Variants in ABCB1 observed in about 807,000 individuals in gnomAD.
ABCB1 encodes the protein ATP binding cassette subfamily B member 1.
A neutral mutation model predicts 142.0 loss-of-function variants in ABCB1; 69 were observed. The ratio of observed to expected loss-of-function variants is 0.49; its 90% CI spans 0.40 to 0.59. ABCB1 has a LOEUF of 0.59. ABCB1 is among the 20% of genes least tolerant of loss of function. ABCB1 has a pLI of 0.00. For synonymous variants in ABCB1, 532 were observed against 539.2 expected (o/e 0.99, Z 0.18); for missense variants, 1,326 against 1,554.7 (o/e 0.85, Z 2.47).
intron 8 of ABCB1, among the ~76,000 whole-genome samples, chr7:87,560,466 C>T (rs369280766): frequency 1.9e-4 from 29 of 152,222 alleles, no homozygotes; most frequent in African/African-American, 6.3e-4. Flanking sequence ...GCTGTGTGTT[C>T]GGCTCTCCTT....
At chr7:87,543,565 C>T (rs4148735) in intron 17 of ABCB1, among the ~76,000 whole-genome samples, 64,471 of 151,922 alleles carry the variant, frequency 0.42, 13,779 homozygotes, top group African/African-American at 0.45. Context: ...GCATTCCTTT[C>T]AGATTGTAAC....
chr7:87,706,338 C>A (rs1006906602), intron 1 of ABCB1, among the ~76,000 whole-genome samples: 2 of 151,750 alleles, frequency 1.3e-5, no homozygotes, highest in Non-Finnish European at 2.9e-5. Flanking sequence ...TTTATAAGAT[C>A]AGCTTGGTGC....
At chr7:87,694,001 G>T in intron 1 of ABCB1, 1 of 1,606,458 alleles carries the variant, frequency 6.2e-7, no homozygotes, top group South Asian at 1.1e-5. Context: ...AGCTGCACGG[G>T]AGCATGGAAT....
At chr7:87,673,363 A>T (rs118134487) in intron 1 of ABCB1, among the ~76,000 whole-genome samples, 203 of 152,242 alleles carry the variant, frequency 1.3e-3, no homozygotes, top group Middle Eastern at 3.4e-3. Flanking sequence ...GCAATGAATC[A>T]CATATTTTGT....
At chr7:87,684,702 C>T (rs943691637) in intron 1 of ABCB1, among the ~76,000 whole-genome samples, 2 of 128,504 alleles carry the variant, frequency 1.6e-5, no homozygotes, top group Non-Finnish European at 3.1e-5. Flanking sequence ...GAGTCGAGAT[C>T]GTGCCACTGC....
chr7:87,613,011 GT>G (rs71117545), intron 1 of ABCB1, among the ~76,000 whole-genome samples: 51,286 of 134,632 alleles, frequency 0.38, 10,501 homozygotes, highest in East Asian at 0.67. Context: ...GTTTTGGTGG[GT>G]TTTTTTTTTT....
Position 87,544,131 on chromosome 7 carries a change from C to T in ABCB1, c.2209G>A (p.Gly737Arg). 1.2e-6 allele frequency: 2 copies of T among 1,613,898 alleles called. No homozygotes were observed. The highest frequency in any genetic ancestry group is 8.5e-7 in the Non-Finnish European group (1 of 1,179,892). Residue 737 changes from glycine to arginine, a missense_variant and splice_region_variant, in exon 17 of 28, where the codon GGG (glycine) becomes AGG (arginine). Gly to Arg is a moderately radical substitution (Grantham distance 125, BLOSUM62 -2). Coordinates refer to ENST00000622132, the MANE Select transcript of ABCB1 (RefSeq NM_001348946.2). ...AFAIIFSKIIGVFTRIDDPET... is the reference protein window; with the variant it reads ...AFAIIFSKIIRVFTRIDDPET... ...ACACAAATGGGCATCACACTTACCC[C>T]TATAATCTTTGAAAATATTATTGCA... is the stretch of plus-strand genomic sequence containing the variant.
chr7:87,634,453 C>T (rs1223501002), intron 1 of ABCB1, among the ~76,000 whole-genome samples: 1 of 132,854 alleles, frequency 7.5e-6, no homozygotes, highest in Non-Finnish European at 1.5e-5. Context: ...GAAACCCCGT[C>T]TCTACTAAAA....
At chr7:87,636,475 T>G (rs991084514) in intron 1 of ABCB1, among the ~76,000 whole-genome samples, 1 of 152,200 alleles carries the variant, frequency 6.6e-6, no homozygotes, top group Non-Finnish European at 1.5e-5. Flanking sequence ...GGGAATCTTT[T>G]GTTGGATACA....
intron 4 of ABCB1, among the ~76,000 whole-genome samples, chr7:87,574,114 A>G (rs1412099398): frequency 6.6e-6 from 1 of 152,202 alleles, no homozygotes; most frequent in Non-Finnish European, 1.5e-5. Context: ...CCACCTAAGC[A>G]GACCCTAGAG....
intron 5 of ABCB1, among the ~76,000 whole-genome samples, chr7:87,567,518 A>G (rs1448126012): frequency 6.6e-6 from 1 of 152,214 alleles, no homozygotes; most frequent in Non-Finnish European, 1.5e-5. Context: ...GGATCAAGAA[A>G]TGGAAATAAT....
At chr7:87,648,355 G>A (rs1823237407) in intron 1 of ABCB1, among the ~76,000 whole-genome samples, 1 of 152,000 alleles carries the variant, frequency 6.6e-6, no homozygotes, top group African/African-American at 2.4e-5. Flanking sequence ...GGAGGCAAAT[G>A]TTCATATAAA....
chr7:87,636,627 T>C (rs2130248192), intron 1 of ABCB1, among the ~76,000 whole-genome samples: 1 of 152,356 alleles, frequency 6.6e-6, no homozygotes, highest in African/African-American at 2.4e-5. Context: ...GAAGCCAGCC[T>C]ACTCCAAAGT....
intron 8 of ABCB1, 21 bp downstream of exon 8, chr7:87,561,242 A>C: frequency 6.2e-7 from 1 of 1,613,328 alleles, no homozygotes; most frequent in South Asian, 1.1e-5. Flanking sequence ...ATATCTATCC[A>C]TTTAAAAAAG....
At chr7:87,545,688 T>G (rs1242514840) in intron 15 of ABCB1, among the ~76,000 whole-genome samples, 175 bp downstream of exon 15, 1 of 152,216 alleles carries the variant, frequency 6.6e-6, no homozygotes, top group Non-Finnish European at 1.5e-5. Context: ...CTTCTTTATT[T>G]TCCCCTCTTT....
intron 1 of ABCB1, among the ~76,000 whole-genome samples, chr7:87,618,746 C>T (rs548473232): frequency 7.2e-5 from 11 of 152,144 alleles, no homozygotes; most frequent in African/African-American, 2.4e-4. Context: ...TCTAGGTAGG[C>T]GAAATCTAAT....
intron 1 of ABCB1, among the ~76,000 whole-genome samples, chr7:87,703,885 C>CTTTTTTTTTTTTTTT: frequency 6.5e-4 from 39 of 60,258 alleles, no homozygotes; most frequent in East Asian, 1.0e-3. Flanking sequence ...TCAGTTTTTT[C>CTTTTTTTTTTTTTTT]TTTTTTTTTT....
In ABCB1 at chr7:87,570,202, A is replaced by G. The variant is rs201396865; in HGVS notation, c.308T>C (p.Phe103Ser). The change falls in exon 5 of 28, where the codon TTC becomes TCC. Residue 103 changes from phenylalanine to serine, a missense_variant. Coordinates refer to ENST00000622132, the MANE Select transcript of ABCB1 (RefSeq NM_001348946.2). ...TNRSDINDTG[F>S]FMNLEEDMTR... is the part of the protein sequence containing the mutation. ...CATGTCTTCCTCCAGATTCATGAAGAACCCTGTATCATTGATATCACCTAG... is the reference window on the plus strand; with the variant it reads ...CATGTCTTCCTCCAGATTCATGAAGGACCCTGTATCATTGATATCACCTAG... 6.2e-7 allele frequency: 1 copy of G among 1,613,200 alleles called. No homozygotes were observed. Among genetic ancestry groups the G allele is most frequent in the Non-Finnish European group, 8.5e-7 (1 of 1,179,576 alleles).
chr7:87,552,822 T>C (rs1328676583), intron 9 of ABCB1, among the ~76,000 whole-genome samples: 1 of 152,018 alleles, frequency 6.6e-6, no homozygotes, highest in African/African-American at 2.4e-5. Flanking sequence ...TGCCTCAATC[T>C]ATTTCTGCTT....
Sources: allele counts gnomAD v4.1 joint callset (sites outside exome capture counted in the v4.1 genomes callset), GRCh38; gene constraint gnomAD v4.1.1; transcripts MANE v1.5; gene names NCBI Gene and HGNC (gene_info 2026-07-23, HGNC 2026-07-21).